TMEM14B: variants seen among roughly 807,000 people sequenced by gnomAD.
TMEM14B encodes transmembrane protein 14B.
TMEM14B carries 9 observed loss-of-function variants against 14.8 expected under a neutral mutation model. The observed-to-expected ratio is 0.61, with a 90% confidence interval of 0.37 to 1.06. TMEM14B has a LOEUF of 1.06. TMEM14B is among the 50% of genes least tolerant of loss of function. The pLI, the probability that TMEM14B is intolerant of heterozygous loss-of-function variation, is 0.01. For synonymous variants in TMEM14B, 40 were observed against 51.3 expected (o/e 0.78, Z 0.94); for missense variants, 128 against 143.6 (o/e 0.89, Z 0.56).
chr6:10,756,464 C>T lies in TMEM14B; in HGVS notation c.294-3C>T. On this transcript the variant is annotated splice_polypyrimidine_tract_variant and splice_region_variant and intron_variant, in intron 5 of 5. Transcript: ENST00000379542. ...TGTTTTCTATCTTACTTGTTTTAAA[C>T]AGTTTGCTGATGGCCGCCAAAGTTG... The T allele has an allele frequency of 6.2e-7, 1 of 1,613,686 alleles. No individual in the cohort carries two copies.
Position 10,756,971 on chromosome 6 carries a change from T to A in TMEM14B, c.*453T>A, listed in dbSNP as rs1192111903. ...AAATATCAATGAAAATAAAGTTTAC[T>A]ATAAATAATATTTCCTATGGTGTCT... On this transcript the variant is annotated 3_prime_UTR_variant, in exon 6 of 6. Coordinates refer to ENST00000379542, the MANE Select transcript of TMEM14B (RefSeq NM_030969.5). The A allele has an allele frequency of 2.0e-6, 2 of 983,920 alleles. No homozygotes were observed. Among genetic ancestry groups the A allele is most frequent in the East Asian group, 2.3e-4 (2 of 8,836 alleles). 60.9% of individuals were successfully genotyped at this position (983,920 alleles called of 1,614,324 possible). A position where few individuals can be genotyped will look rare whatever the true frequency, so the allele number is the denominator to read the frequency against.
chr6:10,754,594 G>A (rs956699398), intron 4 of TMEM14B, among the ~76,000 whole-genome samples: 4 of 152,194 alleles, frequency 2.6e-5, no homozygotes, highest in Non-Finnish European at 5.9e-5. Context: ...GCTTTTTTGT[G>A]TAGCATCAAT....
chr6:10,749,209 C>T lies in TMEM14B; in HGVS notation c.-37C>T. The T allele has an allele frequency of 2.5e-6, 4 of 1,612,000 alleles. No individual in the cohort carries two copies. In the African/African-American group the frequency reaches 4.0e-5, roughly 16 times the overall value. On this transcript the variant is annotated 5_prime_UTR_variant, in exon 2 of 6. Coordinates refer to ENST00000379542, the MANE Select transcript of TMEM14B (RefSeq NM_030969.5). ...CCGGCTTGTTTTCCCCAGATGCAGG[C>T]CTGGGGTAGTCTCCTTTCTGGACTG...
downstream of TMEM14B, among the ~76,000 whole-genome samples, chr6:10,758,481 C>T (rs1771876969): frequency 6.6e-6 from 1 of 152,226 alleles, no homozygotes. Context: ...GTGCCCTCAT[C>T]CCTGCTTCTC....
Position 10,749,960 on chromosome 6 carries a change from A to G in TMEM14B, c.100+262A>G, listed in dbSNP as rs2127493960. The G allele has an allele frequency of 1.3e-5, 7 of 523,762 alleles. No homozygotes were observed. The East Asian group carries it at 1.7e-4, about 13-fold the overall frequency. 32.4% of individuals were successfully genotyped at this position (523,762 alleles called of 1,614,324 possible). ...GCAGGGGTGGTTGTAGTTTGTTATT[A>G]TCATTGACTGCCATTCATCAGCCAT... is the stretch of plus-strand genomic sequence containing the variant. On this transcript the variant is annotated intron_variant, in intron 3 of 5. Transcript: ENST00000379542.
At chr6:10,750,998 G>C in intron 3 of TMEM14B, 135 bp from the exon 4 acceptor site, 1 of 1,006,238 alleles carries the variant, frequency 9.9e-7, no homozygotes, top group Non-Finnish European at 1.4e-6. Context: ...ACGCCTTCCT[G>C]CTTGAGTCCA....
intron 3 of TMEM14B, chr6:10,749,925 C>A: frequency 1.7e-6 from 1 of 595,334 alleles, no homozygotes; most frequent in East Asian, 2.9e-5. Flanking sequence ...GCCTCTTTAT[C>A]TAAAGGTAGG....
chr6:10,754,493 C>T (rs760848745), intron 4 of TMEM14B, among the ~76,000 whole-genome samples: 4 of 152,216 alleles, frequency 2.6e-5, no homozygotes, highest in South Asian at 2.1e-4. Flanking sequence ...AGCTTATTAA[C>T]GCCTGCTGTA....
At chr6:10,749,994 A>C in intron 3 of TMEM14B, 1 of 445,344 alleles carries the variant, frequency 2.2e-6, no homozygotes, top group South Asian at 2.2e-5. Flanking sequence ...ATGACCCCCA[A>C]GTGCCATCTC....
At chr6:10,754,144 T>A (rs778401472) in intron 4 of TMEM14B, among the ~76,000 whole-genome samples, 5 of 152,140 alleles carry the variant, frequency 3.3e-5, no homozygotes, top group Non-Finnish European at 7.3e-5. Context: ...TGCTTGAACC[T>A]GGGAGGTAGA....
intron 3 of TMEM14B, chr6:10,750,146 C>T (rs1217794968): frequency 1.1e-5 from 2 of 174,778 alleles, no homozygotes; most frequent in Admixed American, 5.6e-5. Context: ...AATCCCTGCA[C>T]CAGACTTCTT....
chr6:10,750,986 T>G (rs1348374570), intron 3 of TMEM14B, 147 bp from the exon 4 acceptor site: 1 of 881,932 alleles, frequency 1.1e-6, no homozygotes, highest in Non-Finnish European at 1.7e-6. Flanking sequence ...ACACTCTCCT[T>G]AACGCCTTCC....
At chr6:10,758,909 C>CTTTTTTTTTTTTT (rs34333457), downstream of TMEM14B, 1 of 102,854 alleles carries the variant, frequency 9.7e-6, no homozygotes, top group Non-Finnish European at 1.8e-5. Context: ...AGATCTAATT[C>CTTTTTTTTTTTTT]TTTTTTTTTT....
intron 4 of TMEM14B, chr6:10,752,812 C>T (rs1473787272): frequency 1.3e-5 from 2 of 152,152 alleles, no homozygotes; most frequent in African/African-American, 4.8e-5. Flanking sequence ...CCTGGTGTTT[C>T]CCCGAAGGTG....
At chr6:10,755,662 ATGTAGT>A (rs1231409071) in intron 5 of TMEM14B, 2 of 1,097,252 alleles carry the variant, frequency 1.8e-6, no homozygotes, top group Non-Finnish European at 1.1e-6. Flanking sequence ...TTTTTAAAAA[ATGTAGT>A]TGTAGGCCAG....
At chr6:10,751,311 G>A (rs1339276498) in intron 4 of TMEM14B, 77 bp downstream of exon 4, 3 of 1,524,392 alleles carry the variant, frequency 2.0e-6, no homozygotes, top group Non-Finnish European at 2.7e-6. Context: ...GGTTTGGTGG[G>A]ATGGAGCGAG....
rs1771815401 is a variant in TMEM14B at position 10,756,672 on chromosome 6, C to T, written c.*154C>T. ...CAAATTTGGCGGAGGGGTGGAAAAT[C>T]AGTTGTTACCATTATAACCCTACAG... On this transcript the variant is annotated 3_prime_UTR_variant, in exon 6 of 6. Transcript: ENST00000379542. 2.1e-6 allele frequency: 3 copies of T among 1,398,400 alleles called. No individual in the cohort carries two copies. The Admixed American group carries it at 9.0e-5, about 42-fold the overall frequency. 86.6% of individuals were successfully genotyped at this position (1,398,400 alleles called of 1,614,324 possible).
intron 5 of TMEM14B, chr6:10,755,748 A>G (rs1015667946): frequency 2.4e-5 from 20 of 834,144 alleles, no homozygotes; most frequent in Non-Finnish European, 2.9e-5. Context: ...TGAGGTCAGG[A>G]GTTTGAGACC....
chr6:10,749,219 T>G lies in TMEM14B; in HGVS notation c.-27T>G, dbSNP rs1406679522. ...TTCCCCAGATGCAGGCCTGGGGTAG[T>G]CTCCTTTCTGGACTGAGAAGAGAAG... On this transcript the variant is annotated 5_prime_UTR_variant, in exon 2 of 6. Coordinates refer to ENST00000379542, the MANE Select transcript of TMEM14B (RefSeq NM_030969.5). 1 of 1,613,992 alleles carries G rather than the reference T, an allele frequency of 6.2e-7. No homozygotes were observed. The highest frequency in any genetic ancestry group is 8.5e-7 in the Non-Finnish European group (1 of 1,179,878).
Sources: allele counts gnomAD v4.1 joint callset (sites outside exome capture counted in the v4.1 genomes callset), GRCh38; gene constraint gnomAD v4.1.1; transcripts MANE v1.5; gene names NCBI Gene and HGNC (gene_info 2026-07-23, HGNC 2026-07-21).